The following SCARA5 variants were observed in gnomAD, a reference collection of about 807,000 sequenced individuals.
The protein encoded by SCARA5 is scavenger receptor class A, member 5 (putative).
Under a neutral mutation model 46.3 loss-of-function variants are expected in SCARA5, and 45 were observed. That is an observed-to-expected ratio of 0.97 (90% confidence interval 0.76 to 1.24). SCARA5 has a LOEUF of 1.24. SCARA5 is among the 50% of genes most tolerant of loss of function. The pLI is 0.00. For missense variants in SCARA5, 680 were observed against 689.0 expected (o/e 0.99, Z 0.15); for synonymous variants, 333 against 306.5 (o/e 1.09, Z -0.90).
intron 8 of SCARA5, among the ~76,000 whole-genome samples, chr8:27,872,732 A>G (rs908567672): frequency 5.9e-5 from 9 of 152,248 alleles, no homozygotes; most frequent in African/African-American, 2.2e-4. Flanking sequence ...ACCCAGGAAA[A>G]GGCTGCAAGC....
chr8:27,877,116 T>C (rs1806737485), intron 8 of SCARA5, among the ~76,000 whole-genome samples: 1 of 152,110 alleles, frequency 6.6e-6, no homozygotes, highest in Non-Finnish European at 1.5e-5. Flanking sequence ...GCTAGGTGCC[T>C]GGAAACTGCT....
At chr8:27,987,062 C>A (rs1376231537) in intron 2 of SCARA5, among the ~76,000 whole-genome samples, 2 of 152,204 alleles carry the variant, frequency 1.3e-5, no homozygotes, top group African/African-American at 4.8e-5. Context: ...GGGCCTTGCA[C>A]CCAGGGGCAG....
intron 3 of SCARA5, among the ~76,000 whole-genome samples, chr8:27,964,816 A>G (rs1172524013): frequency 6.6e-6 from 1 of 151,132 alleles, no homozygotes; most frequent in Non-Finnish European, 1.5e-5. Context: ...TCTCCTCCAG[A>G]CCCCCATCTG....
At chr8:27,954,856 T>G (rs1808182649) in intron 3 of SCARA5, among the ~76,000 whole-genome samples, 1 of 152,254 alleles carries the variant, frequency 6.6e-6, no homozygotes, top group African/African-American at 2.4e-5. Flanking sequence ...GCAATGCCTT[T>G]CTTTCCTTGA....
At chr8:27,929,241 C>A (rs1001650454) in intron 3 of SCARA5, among the ~76,000 whole-genome samples, 1 of 152,164 alleles carries the variant, frequency 6.6e-6, no homozygotes, top group East Asian at 1.9e-4. Flanking sequence ...AGCACTGCCT[C>A]CCCACCCACA....
chr8:27,930,741 G>A (rs1209069634), intron 3 of SCARA5, among the ~76,000 whole-genome samples: 1 of 152,186 alleles, frequency 6.6e-6, no homozygotes, highest in Non-Finnish European at 1.5e-5. Context: ...TCTTGGGTAT[G>A]TCTTTACGTG....
chr8:27,968,378 T>G (rs761452980), intron 2 of SCARA5, among the ~76,000 whole-genome samples: 15 of 152,164 alleles, frequency 9.9e-5, no homozygotes, highest in Admixed American at 2.6e-4. Flanking sequence ...TTTTGAAGAG[T>G]TGAGCTGATT....
chr8:27,939,444 C>T lies in SCARA5; in HGVS notation c.242-17199G>A, dbSNP rs528334735. Among the ~76,000 whole-genome samples, 121 of 152,288 alleles carry T rather than the reference C, an allele frequency of 7.9e-4. 1 individual carries two copies. The highest frequency in any genetic ancestry group is 3.9e-3 in the South Asian group (19 of 4,822). ...TGAGTGAGCTCTGACTTTTGCATGT[C>T]CCCCACCATGGACTCTTGTCCTTGC... On this transcript the variant is annotated intron_variant, in intron 3 of 8. Coordinates refer to ENST00000354914, the MANE Select transcript of SCARA5 (RefSeq NM_173833.6).
intron 6 of SCARA5, among the ~76,000 whole-genome samples, chr8:27,906,707 G>A (rs1033925208): frequency 1.3e-5 from 2 of 152,204 alleles, no homozygotes; most frequent in African/African-American, 4.8e-5. Context: ...TTTTGTGTGT[G>A]TGTTTTATTT....
At position 27,950,879 on chromosome 8, in the gene SCARA5, G is replaced by GAAAAAAAA. The variant is rs766482225; in HGVS notation, c.241+15527_241+15534dup. On this transcript the variant is annotated intron_variant, in intron 3 of 8. Transcript: ENST00000354914. ...CCTATTTCAGCACTCAGCTTTATGG[G>GAAAAAAAA]AAAAAAAAAAAAAGGTCAGTGTGGA... 1.6e-3 allele frequency among the ~76,000 whole-genome samples: 225 copies of GAAAAAAAA among 140,990 alleles called. 2 individuals are homozygous for GAAAAAAAA. Among genetic ancestry groups the GAAAAAAAA allele is most frequent in the Middle Eastern group, 3.6e-3 (1 of 280 alleles). 92.5% of individuals were successfully genotyped at this position (140,990 alleles called of 152,430 possible). A position where few individuals can be genotyped will look rare whatever the true frequency, so the allele number is the denominator to read the frequency against.
intron 7 of SCARA5, among the ~76,000 whole-genome samples, chr8:27,896,204 G>C (rs1807061697): frequency 6.6e-6 from 1 of 152,196 alleles, no homozygotes; most frequent in Non-Finnish European, 1.5e-5. Flanking sequence ...CATCAGGCCT[G>C]CAGCCCTCCT....
At chr8:27,897,440 C>A (rs985920846) in intron 7 of SCARA5, among the ~76,000 whole-genome samples, 1 of 152,264 alleles carries the variant, frequency 6.6e-6, no homozygotes, top group African/African-American at 2.4e-5. Context: ...AAAAACTTTT[C>A]TTTGTTCAAA....
intron 4 of SCARA5, among the ~76,000 whole-genome samples, chr8:27,913,634 G>T (rs1220293720): frequency 6.6e-6 from 1 of 152,128 alleles, no homozygotes; most frequent in Non-Finnish European, 1.5e-5. Flanking sequence ...TTATGGCCTG[G>T]CTCTGGCCTT....
intron 2 of SCARA5, among the ~76,000 whole-genome samples, chr8:27,980,324 T>C (rs971344641): frequency 1.3e-5 from 2 of 152,110 alleles, no homozygotes; most frequent in Non-Finnish European, 2.9e-5. Flanking sequence ...TGGCCACTCA[T>C]CACCCCCTCT....
chr8:27,883,354 C>A (rs1429721207), intron 7 of SCARA5, among the ~76,000 whole-genome samples: 1 of 152,188 alleles, frequency 6.6e-6, no homozygotes, highest in Non-Finnish European at 1.5e-5. Context: ...GGGATCACAG[C>A]TTGCGTTTCC....
chr8:27,987,759 C>A, intron 1 of SCARA5, 129 bp from the exon 2 acceptor site: 1 of 620,374 alleles, frequency 1.6e-6, no homozygotes, highest in South Asian at 1.9e-5. Context: ...AGCCTGAACA[C>A]CGGGACCCTC....
At chr8:27,964,395 A>G (rs1377948943) in intron 3 of SCARA5, among the ~76,000 whole-genome samples, 2 of 152,212 alleles carry the variant, frequency 1.3e-5, no homozygotes, top group South Asian at 2.1e-4. Context: ...AGGTTCTAAG[A>G]TAATTATAAT....
At chr8:27,915,324 C>T (rs1807443810) in intron 4 of SCARA5, among the ~76,000 whole-genome samples, 1 of 152,196 alleles carries the variant, frequency 6.6e-6, no homozygotes, top group Admixed American at 6.5e-5. Context: ...CCTCCGAGCC[C>T]CCAATGGAGG....
At chr8:27,926,245 C>T (rs1310462820) in intron 3 of SCARA5, among the ~76,000 whole-genome samples, 1 of 152,174 alleles carries the variant, frequency 6.6e-6, no homozygotes, top group Non-Finnish European at 1.5e-5. Context: ...GGCACATATA[C>T]ACCATGGAAT....
Sources: allele counts gnomAD v4.1 joint callset (sites outside exome capture counted in the v4.1 genomes callset), GRCh38; gene constraint gnomAD v4.1.1; transcripts MANE v1.5; gene names NCBI Gene and HGNC (gene_info 2026-07-23, HGNC 2026-07-21).